CCSER1: variants seen among roughly 807,000 people sequenced by gnomAD.
The protein encoded by CCSER1 is serine-rich coiled-coil domain-containing protein 1.
Under a neutral mutation model 82.0 loss-of-function variants are expected in CCSER1, and 41 were observed. The observed-to-expected ratio is 0.50, with a 90% CI of 0.39 to 0.65. The LOEUF is 0.65. Ranked by LOEUF, CCSER1 falls within the 30% of genes least tolerant of loss-of-function variation. The probability of loss-of-function intolerance (pLI) is 0.00; values close to 1 mark genes in which losing one functional copy is unlikely to be tolerated. For missense variants in CCSER1, 1,119 were observed against 1,064.2 expected (o/e 1.05, Z -0.72); for synonymous variants, 414 against 383.9 (o/e 1.08, Z -0.92).
At chr4:90,252,700 T>G (rs761882627) in intron 1 of CCSER1, among the ~76,000 whole-genome samples, 4 of 151,932 alleles carry the variant, frequency 2.6e-5, no homozygotes, top group Non-Finnish European at 4.4e-5. Context: ...GCCCCTGTTG[T>G]GTTATCAAAT....
Position 91,293,142 on chromosome 4 carries a change from G to A in CCSER1, c.2217+207148G>A, listed in dbSNP as rs149491226. On this transcript the variant is annotated intron_variant, in intron 10 of 10. Transcript: ENST00000509176. ...TCTGGAGACAAAAAAAATGCACTGA[G>A]ATCAGATTTCATGGGAGACCCTCAC... 2.1e-3 allele frequency among the ~76,000 whole-genome samples: 326 copies of A among 152,022 alleles called. 6 individuals carry two copies. The highest frequency in any genetic ancestry group is 7.4e-3 in the African/African-American group (307 of 41,508).
intron 5 of CCSER1, among the ~76,000 whole-genome samples, chr4:90,587,713 G>A (rs1283778913): frequency 1.3e-5 from 2 of 152,082 alleles, no homozygotes; most frequent in Non-Finnish European, 2.9e-5. Context: ...TTTATTTCTT[G>A]TGTAGTCAAA....
intron 10 of CCSER1, among the ~76,000 whole-genome samples, chr4:91,337,156 G>A (rs1242802235): frequency 6.6e-6 from 1 of 151,658 alleles, no homozygotes; most frequent in Non-Finnish European, 1.5e-5. Context: ...GATTACTGAT[G>A]CTATTGTAAT....
chr4:90,699,994 T>A (rs1580002950), intron 6 of CCSER1, among the ~76,000 whole-genome samples: 2 of 152,248 alleles, frequency 1.3e-5, no homozygotes, highest in Admixed American at 1.3e-4. Flanking sequence ...AATCTTTTTT[T>A]TTTTTAATTA....
At chr4:91,329,481 G>A (rs1746793294) in intron 10 of CCSER1, among the ~76,000 whole-genome samples, 2 of 152,104 alleles carry the variant, frequency 1.3e-5, no homozygotes, top group South Asian at 4.1e-4. Context: ...TAGTTTTATG[G>A]GTGTGTTAGT....
chr4:91,225,340 T>A (rs943613344), intron 10 of CCSER1, among the ~76,000 whole-genome samples: 10 of 134,450 alleles, frequency 7.4e-5, no homozygotes, highest in Non-Finnish European at 1.4e-4. Flanking sequence ...ATATTATATA[T>A]GTAATATATA....
chr4:90,489,377 C>G (rs1321666877), intron 5 of CCSER1, among the ~76,000 whole-genome samples: 1 of 152,026 alleles, frequency 6.6e-6, no homozygotes, highest in African/African-American at 2.4e-5. Context: ...AGATATACCC[C>G]TTTAAAACAG....
intron 1 of CCSER1, among the ~76,000 whole-genome samples, chr4:90,154,885 T>G (rs2153355978): frequency 6.6e-6 from 1 of 152,142 alleles, no homozygotes; most frequent in South Asian, 2.1e-4. Flanking sequence ...TTCTCCTGCC[T>G]AATTGCCCTG....
intron 10 of CCSER1, among the ~76,000 whole-genome samples, chr4:91,214,884 T>C (rs1737122318): frequency 6.6e-6 from 1 of 152,148 alleles, no homozygotes; most frequent in African/African-American, 2.4e-5. Flanking sequence ...AATTGAGATA[T>C]TCAGTTAACT....
intron 10 of CCSER1, among the ~76,000 whole-genome samples, chr4:91,151,599 T>C (rs1159770834): frequency 3.3e-5 from 5 of 152,228 alleles, no homozygotes; most frequent in African/African-American, 1.2e-4. Flanking sequence ...CTGCTTTCTC[T>C]TGTGGGCATT....
chr4:90,362,265 A>C (rs1026544289), intron 3 of CCSER1, among the ~76,000 whole-genome samples: 2 of 152,192 alleles, frequency 1.3e-5, no homozygotes, highest in African/African-American at 4.8e-5. Context: ...CAACCTTTAC[A>C]GTTCTTGATA....
intron 1 of CCSER1, among the ~76,000 whole-genome samples, chr4:90,298,506 T>C (rs1443484756): frequency 6.6e-6 from 1 of 151,914 alleles, no homozygotes; most frequent in African/African-American, 2.4e-5. Flanking sequence ...AGTTCTGCTC[T>C]GATTTTAGTT....
At chr4:90,232,030 G>C (rs900833203) in intron 1 of CCSER1, among the ~76,000 whole-genome samples, 1 of 152,060 alleles carries the variant, frequency 6.6e-6, no homozygotes, top group Non-Finnish European at 1.5e-5. Context: ...TCAATATCTT[G>C]AAAATGGCCA....
At chr4:91,528,880 A>C (rs1465784011) in intron 10 of CCSER1, among the ~76,000 whole-genome samples, 1 of 152,090 alleles carries the variant, frequency 6.6e-6, no homozygotes, top group East Asian at 1.9e-4. Flanking sequence ...AAAATACTAC[A>C]TACATCCCAG....
intron 10 of CCSER1, among the ~76,000 whole-genome samples, chr4:91,265,831 T>C (rs1281501356): frequency 6.6e-6 from 1 of 152,214 alleles, no homozygotes; most frequent in Non-Finnish European, 1.5e-5. Flanking sequence ...GAAAGTGTTT[T>C]AGTGCATTTT....
chr4:90,951,608 T>C (rs1732920829), intron 9 of CCSER1, among the ~76,000 whole-genome samples: 1 of 152,098 alleles, frequency 6.6e-6, no homozygotes, highest in Admixed American at 6.6e-5. Context: ...ATAAAAAATG[T>C]ACGAAGTACA....
At chr4:91,379,880 A>G (rs1750737733) in intron 10 of CCSER1, among the ~76,000 whole-genome samples, 1 of 152,196 alleles carries the variant, frequency 6.6e-6, no homozygotes, top group African/African-American at 2.4e-5. Context: ...TCTTGTGGGC[A>G]TTAAGTGCTA....
At chr4:90,926,826 G>T (rs1729125460) in intron 9 of CCSER1, among the ~76,000 whole-genome samples, 1 of 151,960 alleles carries the variant, frequency 6.6e-6, no homozygotes, top group Admixed American at 6.6e-5. Context: ...AAAGATCAAA[G>T]AATAATTTCT....
At position 90,612,969 on chromosome 4, in the gene CCSER1, A is replaced by G. The variant is rs144422905; in HGVS notation, c.1725-15056A>G. On this transcript the variant is annotated intron_variant, in intron 5 of 10. Coordinates refer to ENST00000509176, the MANE Select transcript of CCSER1 (RefSeq NM_001145065.2). ...ACTTAGAATTAAATGAAATACAGCAACCCAATAATGAATTCTGAGTATCCA... is the reference window on the plus strand; with the variant it reads ...ACTTAGAATTAAATGAAATACAGCAGCCCAATAATGAATTCTGAGTATCCA... Among the ~76,000 whole-genome samples, 22 of 152,238 alleles carry G rather than the reference A, an allele frequency of 1.4e-4. 1 individual carries two copies. The East Asian group carries it at 4.3e-3, about 29-fold the overall frequency.
Sources: gnomAD v4.1 joint callset for allele counts (sites outside exome capture counted in the v4.1 genomes callset) on GRCh38, gnomAD v4.1.1 for gene constraint, MANE v1.5 for transcripts, NCBI Gene and HGNC (gene_info 2026-07-23, HGNC 2026-07-21) for gene names.